MACROD2: variants seen among roughly 807,000 people sequenced by gnomAD.
MACROD2 encodes mono-ADP ribosylhydrolase 2.
A neutral mutation model predicts 70.4 loss-of-function variants in MACROD2; 36 were observed. The ratio of observed to expected loss-of-function variants is 0.51; its 90% CI spans 0.39 to 0.68. The LOEUF (loss-of-function observed/expected upper bound fraction) is 0.68, where lower values mean the gene tolerates loss of function less well. Ranked by LOEUF, MACROD2 falls within the 30% of genes least tolerant of loss-of-function variation. MACROD2 has a pLI of 0.00. For missense variants in MACROD2, 496 were observed against 538.4 expected, an observed-to-expected ratio of 0.92 and a Z score of 0.78; for synonymous variants, 172 against 178.8, an observed-to-expected ratio of 0.96 and a Z score of 0.30.
chr20:14,880,355 T>C (rs2073597100), intron 5 of MACROD2, among the ~76,000 whole-genome samples: 1 of 152,216 alleles, frequency 6.6e-6, no homozygotes, highest in Non-Finnish European at 1.5e-5. Context: ...TTTTCTACTC[T>C]TTACATTCTC....
At chr20:14,939,100 C>T (rs1000066753) in intron 5 of MACROD2, among the ~76,000 whole-genome samples, 3 of 151,920 alleles carry the variant, frequency 2.0e-5, no homozygotes, top group Non-Finnish European at 4.4e-5. Context: ...GAATCTTTAG[C>T]TTGACGTAAT....
At chr20:14,791,940 T>G (rs1047486115) in intron 5 of MACROD2, among the ~76,000 whole-genome samples, 5 of 151,750 alleles carry the variant, frequency 3.3e-5, no homozygotes, top group Non-Finnish European at 5.9e-5. Context: ...TTGTTGATGT[T>G]GATATCATTG....
At chr20:15,558,489 A>T (rs188966409) in intron 8 of MACROD2, among the ~76,000 whole-genome samples, 1 of 152,382 alleles carries the variant, frequency 6.6e-6, no homozygotes, top group African/African-American at 2.4e-5. Context: ...TGGCCTGCAG[A>T]GAACAGCCTC....
chr20:15,908,396 T>A (rs2065181790), intron 10 of MACROD2, among the ~76,000 whole-genome samples: 1 of 152,242 alleles, frequency 6.6e-6, no homozygotes, highest in African/African-American at 2.4e-5. Context: ...CTATGGGTGG[T>A]AACAGCTCCC....
intron 6 of MACROD2, among the ~76,000 whole-genome samples, chr20:15,315,901 G>A (rs2077804429): frequency 6.6e-6 from 1 of 152,046 alleles, no homozygotes; most frequent in African/African-American, 2.4e-5. Context: ...GCATAAAGAT[G>A]TAATTTGTAA....
At chr20:14,291,789 A>T (rs2082388498) in intron 3 of MACROD2, among the ~76,000 whole-genome samples, 1 of 151,886 alleles carries the variant, frequency 6.6e-6, no homozygotes, top group Non-Finnish European at 1.5e-5. Context: ...CTTGTCTCTC[A>T]TATTTTAGGA....
intron 5 of MACROD2, among the ~76,000 whole-genome samples, chr20:14,798,431 A>T (rs1054256263): frequency 1.3e-5 from 2 of 152,078 alleles, no homozygotes; most frequent in Non-Finnish European, 2.9e-5. Context: ...TTCTATTTGT[A>T]GCTGAAGTCT....
intron 5 of MACROD2, among the ~76,000 whole-genome samples, chr20:14,758,355 A>G (rs981274616): frequency 1.3e-5 from 2 of 152,096 alleles, no homozygotes; most frequent in Admixed American, 6.5e-5. Flanking sequence ...CTGCATTCAG[A>G]TACAATGGCA....
chr20:15,034,564 T>C (rs2123007402), intron 5 of MACROD2, among the ~76,000 whole-genome samples: 1 of 152,262 alleles, frequency 6.6e-6, no homozygotes, highest in Middle Eastern at 3.4e-3. Flanking sequence ...TTAGAAGTGA[T>C]TTATTAGCAA....
intron 8 of MACROD2, among the ~76,000 whole-genome samples, chr20:15,567,167 A>T: frequency 6.6e-6 from 1 of 151,928 alleles, no homozygotes; most frequent in Non-Finnish European, 1.5e-5. Context: ...TTTGATTCAT[A>T]TATTAATAGT....
chr20:14,674,947 T>A (rs1396291292), intron 4 of MACROD2, among the ~76,000 whole-genome samples: 1 of 152,154 alleles, frequency 6.6e-6, no homozygotes, highest in East Asian at 1.9e-4. Flanking sequence ...ATTAAATAAA[T>A]ATGTGAAAAT....
At chr20:14,757,462 AC>A in intron 5 of MACROD2, 1 of 490,044 alleles carries the variant, frequency 2.0e-6, no homozygotes, top group Non-Finnish European at 3.7e-6. Context: ...TTGGACAATA[AC>A]GTTATTTTTC....
At chr20:14,017,993 G>A (rs554784642) in intron 2 of MACROD2, among the ~76,000 whole-genome samples, 1 of 152,052 alleles carries the variant, frequency 6.6e-6, no homozygotes, top group Non-Finnish European at 1.5e-5. Context: ...GTCTATTGAA[G>A]TTTTCTATTT....
chr20:14,988,202 A>G lies in MACROD2; in HGVS notation c.419-241738A>G, dbSNP rs113139878. On this transcript the variant is annotated intron_variant, in intron 5 of 17. Transcript: ENST00000684519. The stretch of plus-strand genomic sequence containing the variant: ...AACATGGCGAAATCCCGTCTCTACA[A>G]AAAATACAAAAACTAGCAGGGCGAG... Among the ~76,000 whole-genome samples the G allele has an allele frequency of 7.0e-3, 1,059 of 152,078 alleles. 20 individuals are homozygous for G. The highest frequency in any genetic ancestry group is 0.024 in the African/African-American group (1,002 of 41,478).
At chr20:14,898,137 CT>C (rs1244372639) in intron 5 of MACROD2, among the ~76,000 whole-genome samples, 1 of 152,016 alleles carries the variant, frequency 6.6e-6, no homozygotes, top group East Asian at 1.9e-4. Context: ...AAAGATAACT[CT>C]TTTTGAAAAG....
chr20:14,230,686 T>TATATAAAAACACAGGCTGGGCCC (rs2081800880), intron 3 of MACROD2, among the ~76,000 whole-genome samples: 3 of 120,946 alleles, frequency 2.5e-5, no homozygotes, highest in African/African-American at 1.0e-4. Flanking sequence ...TATATATATA[T>TATATAAAAACACAGGCTGGGCCC]ATATATATAT....
At chr20:14,869,646 A>T (rs1383170921) in intron 5 of MACROD2, among the ~76,000 whole-genome samples, 1 of 152,182 alleles carries the variant, frequency 6.6e-6, no homozygotes, top group Non-Finnish European at 1.5e-5. Flanking sequence ...AGGGGATCTG[A>T]CTGCTACAGC....
chr20:15,741,449 G>A (rs182538446), intron 8 of MACROD2, among the ~76,000 whole-genome samples: 7 of 151,866 alleles, frequency 4.6e-5, no homozygotes, highest in Admixed American at 1.3e-4. Context: ...CACCTCACAC[G>A]CTGGCCTCCT....
intron 15 of MACROD2, among the ~76,000 whole-genome samples, chr20:16,011,354 A>C (rs999447011): frequency 6.6e-6 from 1 of 152,226 alleles, no homozygotes; most frequent in Admixed American, 6.5e-5. Context: ...CGTTTGGCTG[A>C]AAGTGGCTTC....
Sources: gnomAD v4.1 joint callset for allele counts (sites outside exome capture counted in the v4.1 genomes callset) on GRCh38, gnomAD v4.1.1 for gene constraint, MANE v1.5 for transcripts, NCBI Gene and HGNC (gene_info 2026-07-23, HGNC 2026-07-21) for gene names.